EIF4G3: variants seen among roughly 807,000 people sequenced by gnomAD.
EIF4G3 encodes eukaryotic translation initiation factor 4 gamma 3, also known as eIF-4-gamma 3.
A neutral mutation model predicts 186.4 loss-of-function variants in EIF4G3; 34 were observed. That is an observed-to-expected ratio of 0.18 (90% CI 0.14 to 0.24). The LOEUF is 0.24. Ranked by LOEUF, EIF4G3 falls within the 10% of genes least tolerant of loss-of-function variation. EIF4G3 has a pLI of 1.00. For synonymous variants in EIF4G3, 673 were observed against 679.5 expected (o/e 0.99, Z 0.15); for missense variants, 1,536 against 1,948.5 (o/e 0.79, Z 3.99).
intron 4 of EIF4G3, among the ~76,000 whole-genome samples, chr1:21,031,405 G>C (rs2092733490): frequency 6.7e-6 from 1 of 150,298 alleles, no homozygotes; most frequent in East Asian, 2.0e-4. Context: ...AAAAAAAAGA[G>C]GGAGAGAGAG....
intron 3 of EIF4G3, among the ~76,000 whole-genome samples, chr1:21,082,027 A>G (rs1377826094): frequency 6.6e-6 from 1 of 151,424 alleles, no homozygotes; most frequent in African/African-American, 2.4e-5. Flanking sequence ...TCCTGAGCTC[A>G]AGCAATCTTC....
chr1:21,002,877 G>T, intron 4 of EIF4G3, 69 bp from the exon 5 acceptor site: 1 of 917,602 alleles, frequency 1.1e-6, no homozygotes, highest in Non-Finnish European at 1.7e-6. Context: ...AGTTCAAGAT[G>T]TTTTATAAAA....
At chr1:21,020,316 C>T (rs780640893) in intron 4 of EIF4G3, among the ~76,000 whole-genome samples, 3 of 151,914 alleles carry the variant, frequency 2.0e-5, no homozygotes, top group Admixed American at 6.6e-5. Flanking sequence ...AGCAAGACTC[C>T]GTCTCTACAA....
intron 3 of EIF4G3, among the ~76,000 whole-genome samples, chr1:21,080,227 G>T (rs544483362): frequency 1.5e-5 from 2 of 135,896 alleles, no homozygotes; most frequent in East Asian, 4.1e-4. Flanking sequence ...AGGGAGGAGG[G>T]ATAGCCTGAG....
intron 29 of EIF4G3, among the ~76,000 whole-genome samples, chr1:20,843,333 A>C (rs1278607794): frequency 1.3e-5 from 2 of 152,006 alleles, no homozygotes; most frequent in East Asian, 1.9e-4. Flanking sequence ...CCTGGCCAAG[A>C]AGGTAAAACC....
chr1:21,135,367 C>T (rs1041930839), intron 2 of EIF4G3, among the ~76,000 whole-genome samples: 2 of 152,106 alleles, frequency 1.3e-5, no homozygotes, highest in South Asian at 2.1e-4. Flanking sequence ...GCTGTGGTGG[C>T]GCATGCCTGT....
chr1:20,893,794 T>C (rs1269890957), intron 17 of EIF4G3, among the ~76,000 whole-genome samples, 158 bp from the exon 18 acceptor site: 4 of 151,426 alleles, frequency 2.6e-5, no homozygotes, highest in Non-Finnish European at 5.9e-5. Flanking sequence ...CAGCTTCTCC[T>C]GGGCTACTCT....
intron 22 of EIF4G3, 123 bp downstream of exon 22, chr1:20,864,353 A>C (rs2077109830): frequency 3.9e-6 from 3 of 763,002 alleles, no homozygotes; most frequent in Admixed American, 4.7e-5. Context: ...TGAGACGGGC[A>C]AAAGAAGAAA....
intron 31 of EIF4G3, 60 bp from the exon 32 acceptor site, chr1:20,827,758 G>C (rs1450973854): frequency 7.4e-6 from 9 of 1,217,242 alleles, no homozygotes; most frequent in Non-Finnish European, 9.6e-6. Flanking sequence ...TCTAGAACAA[G>C]AGGCAAACAA....
At chr1:20,945,553 C>A (rs570070492) in intron 13 of EIF4G3, among the ~76,000 whole-genome samples, 1 of 152,320 alleles carries the variant, frequency 6.6e-6, no homozygotes, top group Admixed American at 6.5e-5. Context: ...GTGACCTCCA[C>A]CTCCCAGGCT....
chr1:21,068,305 G>A (rs1230947067), intron 3 of EIF4G3, among the ~76,000 whole-genome samples: 1 of 146,732 alleles, frequency 6.8e-6, no homozygotes, highest in Non-Finnish European at 1.5e-5. Context: ...GGAGGTGGAG[G>A]TTGCAGTGAG....
chr1:20,921,313 T>C (rs932264669), intron 14 of EIF4G3, among the ~76,000 whole-genome samples: 18 of 152,172 alleles, frequency 1.2e-4, no homozygotes, highest in African/African-American at 4.1e-4. Flanking sequence ...ATTATAAAAC[T>C]AAAGTAACGA....
chr1:21,171,782 T>C (rs1220422510), intron 2 of EIF4G3, among the ~76,000 whole-genome samples: 2 of 152,150 alleles, frequency 1.3e-5, no homozygotes, highest in Admixed American at 1.3e-4. Context: ...CCTGAAGCAG[T>C]TGCATGGTTA....
At chr1:21,101,480 G>A (rs536436367) in intron 2 of EIF4G3, among the ~76,000 whole-genome samples, 1 of 138,770 alleles carries the variant, frequency 7.2e-6, no homozygotes, top group African/African-American at 2.6e-5. Flanking sequence ...TGAAGTGGTA[G>A]AATCACTCGA....
At chr1:21,142,182 G>A (rs2097352198) in intron 2 of EIF4G3, among the ~76,000 whole-genome samples, 1 of 151,488 alleles carries the variant, frequency 6.6e-6, no homozygotes, top group Non-Finnish European at 1.5e-5. Context: ...TCACCTCAGG[G>A]AAAAAACATG....
chr1:20,831,781 CCA>C (rs2065317906), intron 30 of EIF4G3, among the ~76,000 whole-genome samples: 1 of 83,632 alleles, frequency 1.2e-5, no homozygotes, highest in Non-Finnish European at 2.5e-5. Context: ...ACAACAGTCC[CCA>C]GAGTGTGATA....
intron 14 of EIF4G3, among the ~76,000 whole-genome samples, chr1:20,923,512 C>A (rs2094633616): frequency 6.6e-6 from 1 of 152,112 alleles, no homozygotes; most frequent in Non-Finnish European, 1.5e-5. Context: ...AAGTCAATCA[C>A]TACAGCACAA....
chr1:20,945,023 C>A (rs971179949), intron 13 of EIF4G3, among the ~76,000 whole-genome samples: 1 of 151,852 alleles, frequency 6.6e-6, no homozygotes, highest in African/African-American at 2.4e-5. Context: ...CAAAACAAAA[C>A]AAAACAAAAC....
chr1:20,807,641 G>T, intron 36 of EIF4G3, 141 bp from the exon 37 acceptor site: 1 of 641,704 alleles, frequency 1.6e-6, no homozygotes, highest in East Asian at 3.2e-5. Context: ...CACCATACTT[G>T]CTCTTGACAG....
Sources: allele counts gnomAD v4.1 joint callset (sites outside exome capture counted in the v4.1 genomes callset), GRCh38; gene constraint gnomAD v4.1.1; transcripts MANE v1.5; gene names NCBI Gene and HGNC (gene_info 2026-07-23, HGNC 2026-07-21).